Variants in ZNF532 observed in about 807,000 individuals in gnomAD.
The protein encoded by ZNF532 is zinc finger protein 532.
Under a neutral mutation model 89.3 loss-of-function variants are expected in ZNF532, and 22 were observed. The ratio of observed to expected loss-of-function variants is 0.25; its 90% CI spans 0.18 to 0.35. The LOEUF (loss-of-function observed/expected upper bound fraction) is 0.35. Ranked by LOEUF, ZNF532 falls within the 10% of genes least tolerant of loss-of-function variation. The pLI is 1.00. For missense variants in ZNF532, 1,132 were observed against 1,643.4 expected, an observed-to-expected ratio of 0.69 and a Z score of 5.38; for synonymous variants, 606 against 649.6, an observed-to-expected ratio of 0.93 and a Z score of 1.02.
intron 3 of ZNF532, among the ~76,000 whole-genome samples, chr18:58,929,063 C>T (rs1216649672): frequency 6.6e-6 from 1 of 152,160 alleles, no homozygotes; most frequent in Non-Finnish European, 1.5e-5. Context: ...GTCTTTTGGC[C>T]AGCCCTTTTA....
intron 2 of ZNF532, among the ~76,000 whole-genome samples, chr18:58,874,031 A>G (rs548279166): frequency 4.6e-5 from 7 of 152,196 alleles, no homozygotes; most frequent in African/African-American, 1.4e-4. Flanking sequence ...CCTTCCTACA[A>G]TCTTAGCTGT....
intron 2 of ZNF532, among the ~76,000 whole-genome samples, chr18:58,901,208 T>C (rs1396140466): frequency 6.6e-6 from 1 of 152,228 alleles, no homozygotes; most frequent in Non-Finnish European, 1.5e-5. Context: ...GAGCTGGGCG[T>C]TGTGAAGCCC....
intron 2 of ZNF532, among the ~76,000 whole-genome samples, chr18:58,865,888 G>A (rs1431798348): frequency 6.6e-6 from 1 of 152,198 alleles, no homozygotes; most frequent in Non-Finnish European, 1.5e-5. Context: ...TGCATAAGAC[G>A]AAAGCAGTAC....
At chr18:58,963,691 C>CTCA (rs1248199249) in intron 7 of ZNF532, among the ~76,000 whole-genome samples, 1 of 151,422 alleles carries the variant, frequency 6.6e-6, no homozygotes, top group Non-Finnish European at 1.5e-5. Context: ...GGTGCAGTGG[C>CTCA]TCACGCCTGT....
intron 7 of ZNF532, among the ~76,000 whole-genome samples, chr18:58,966,680 T>C (rs1568441655): frequency 6.6e-6 from 1 of 151,244 alleles, no homozygotes. Flanking sequence ...GTGACACAAA[T>C]AAGACTGTAA....
rs2060781407 is a variant in ZNF532, at chr18:58,918,626, T to C, written c.339T>C (p.Asp113=). 1 of 1,614,186 alleles carries C rather than the reference T, an allele frequency of 6.2e-7. No individual in the cohort carries two copies. The highest frequency in any genetic ancestry group is 8.5e-7 in the Non-Finnish European group (1 of 1,180,034). ...SKDGAKSLKG[D]VPASEVTLKD... is the part of the protein sequence containing the mutation. ...ATGGAGCAAAGTCCTTGAAAGGAGA[T>C]GTGCCTGCCTCTGAGGTGACACTGA... The change falls in exon 3 of 10, where the codon GAT becomes GAC. Residue 113 remains aspartate, a synonymous_variant. Coordinates refer to ENST00000591808, the MANE Select transcript of ZNF532 (RefSeq NM_001375912.1).
In ZNF532 at chr18:58,951,040, C is replaced by G. The variant is rs572180123; in HGVS notation, c.2869-2478C>G. ...GGCATATCAGGGCTCAAGGCAGCCT[C>G]CATGTCCTGGGCTCAGGTGATCCTC... On this transcript the variant is annotated intron_variant, in intron 6 of 9. Coordinates refer to ENST00000591808, the MANE Select transcript of ZNF532 (RefSeq NM_001375912.1). 7.9e-5 allele frequency among the ~76,000 whole-genome samples: 12 copies of G among 152,202 alleles called. No homozygotes were observed. The South Asian group carries it at 2.5e-3, about 32-fold the overall frequency.
intron 2 of ZNF532, among the ~76,000 whole-genome samples, chr18:58,900,624 C>T (rs969817290): frequency 6.6e-6 from 1 of 152,160 alleles, no homozygotes; most frequent in Non-Finnish European, 1.5e-5. Flanking sequence ...GGTCACCTGC[C>T]CCTCCCTGTC....
chr18:58,971,986 CTGAGG>C (rs1434605293), intron 7 of ZNF532, among the ~76,000 whole-genome samples: 2 of 152,114 alleles, frequency 1.3e-5, no homozygotes, highest in African/African-American at 4.8e-5. Context: ...GGTAGATCAC[CTGAGG>C]TAAGAAGTTT....
Position 58,880,850 on chromosome 18 carries a change from A to G in ZNF532, c.-18+15271A>G, listed in dbSNP as rs575044637. ...AATGCAAGTCTGGTTTATCTGGCCA[A>G]TGTTAATTTTGGAAAAGATTAAGCA... On this transcript the variant is annotated intron_variant, in intron 2 of 9. Coordinates refer to ENST00000591808, the MANE Select transcript of ZNF532 (RefSeq NM_001375912.1). Among the ~76,000 whole-genome samples, 66 of 150,534 alleles carry G rather than the reference A, an allele frequency of 4.4e-4. 1 individual carries two copies. In the South Asian group the frequency reaches 4.7e-3, roughly 11 times the overall value.
At chr18:58,943,337 T>A (rs554599512) in intron 5 of ZNF532, among the ~76,000 whole-genome samples, 1 of 151,944 alleles carries the variant, frequency 6.6e-6, no homozygotes, top group South Asian at 2.1e-4. Flanking sequence ...TTTTTTTGTA[T>A]TTTTAGTAGA....
chr18:58,871,374 T>C (rs550650634), intron 2 of ZNF532, among the ~76,000 whole-genome samples: 4 of 152,280 alleles, frequency 2.6e-5, no homozygotes, highest in African/African-American at 9.6e-5. Context: ...ACTATAGGCA[T>C]GCACCACCGC....
At chr18:58,942,054 G>A (rs558088693) in intron 5 of ZNF532, among the ~76,000 whole-genome samples, 105 of 121,858 alleles carry the variant, frequency 8.6e-4, no homozygotes, top group Middle Eastern at 5.4e-3. Flanking sequence ...CCTCAGTCTC[G>A]CTGTGTCGCC....
chr18:58,981,421 A>G, intron 8 of ZNF532, 49 bp from the exon 9 acceptor site: 1 of 1,591,290 alleles, frequency 6.3e-7, no homozygotes, highest in Non-Finnish European at 8.5e-7. Context: ...CTTCCACAGG[A>G]GCTTATTTTG....
intron 3 of ZNF532, among the ~76,000 whole-genome samples, chr18:58,929,183 G>A (rs1268733630): frequency 6.6e-6 from 1 of 152,146 alleles, no homozygotes; most frequent in East Asian, 1.9e-4. Flanking sequence ...TTGAAGCATA[G>A]GCTCTTACAG....
intron 3 of ZNF532, among the ~76,000 whole-genome samples, chr18:58,925,712 T>C (rs929248307): frequency 1.3e-5 from 2 of 152,242 alleles, no homozygotes; most frequent in African/African-American, 4.8e-5. Context: ...CTTCTGTGTT[T>C]TTTTCCTCAA....
intron 2 of ZNF532, among the ~76,000 whole-genome samples, chr18:58,875,120 A>G (rs868674916): frequency 7.9e-5 from 12 of 152,148 alleles, no homozygotes; most frequent in Admixed American, 2.6e-4. Flanking sequence ...TGTTGAATTC[A>G]TAACATTTTG....
intron 2 of ZNF532, among the ~76,000 whole-genome samples, chr18:58,873,834 C>T (rs1453502618): frequency 1.3e-5 from 2 of 152,190 alleles, no homozygotes. Context: ...CGGAGATTTT[C>T]ACTTGCCTTT....
At chr18:58,863,610 A>AGCC (rs560514596), upstream of ZNF532, 1,512 of 145,282 alleles carry the variant, frequency 0.01, 24 homozygotes, top group African/African-American at 0.035. Flanking sequence ...GTAACATGGA[A>AGCC]GCCGCCGCCG....
Sources: gnomAD v4.1 joint callset for allele counts (sites outside exome capture counted in the v4.1 genomes callset) on GRCh38, gnomAD v4.1.1 for gene constraint, MANE v1.5 for transcripts, NCBI Gene and HGNC (gene_info 2026-07-23, HGNC 2026-07-21) for gene names.